Variants in ARHGEF28 observed in about 807,000 individuals in gnomAD.
The protein encoded by ARHGEF28 is Rho guanine nucleotide exchange factor 28, also known as 190 kDa guanine nucleotide exchange factor.
ARHGEF28 carries 152 observed loss-of-function variants against 206.6 expected under a neutral mutation model. The observed-to-expected ratio is 0.74, with a 90% confidence interval of 0.64 to 0.84. The LOEUF (loss-of-function observed/expected upper bound fraction) is 0.84, where lower values mean the gene tolerates loss of function less well. Ranked by LOEUF, ARHGEF28 falls within the 40% of genes least tolerant of loss-of-function variation. The probability of loss-of-function intolerance (pLI) is 0.00; values close to 1 mark genes in which losing one functional copy is unlikely to be tolerated. For synonymous variants in ARHGEF28, 763 were observed against 776.4 expected, an observed-to-expected ratio of 0.98 and a Z score of 0.29; for missense variants, 2,028 against 2,073.2, an observed-to-expected ratio of 0.98 and a Z score of 0.42.
At chr5:73,719,465 C>T (rs185739078) in intron 2 of ARHGEF28, among the ~76,000 whole-genome samples, 88 of 150,542 alleles carry the variant, frequency 5.8e-4, no homozygotes, top group Non-Finnish European at 1.0e-3. Context: ...CTCTGTTCTT[C>T]ATAAGGCCTG....
chr5:73,868,305 A>T, intron 20 of ARHGEF28, 78 bp downstream of exon 20: 1 of 1,435,490 alleles, frequency 7.0e-7, no homozygotes, highest in Non-Finnish European at 9.2e-7. Flanking sequence ...AGGAAATAAG[A>T]TTGAAGCATT....
At chr5:73,720,305 A>G (rs1466421012) in intron 2 of ARHGEF28, among the ~76,000 whole-genome samples, 1 of 152,224 alleles carries the variant, frequency 6.6e-6, no homozygotes, top group African/African-American at 2.4e-5. Flanking sequence ...TTTCTCTTTA[A>G]ATGAATGAAT....
At chr5:73,826,856 C>T (rs978002468) in intron 9 of ARHGEF28, among the ~76,000 whole-genome samples, 22 of 152,308 alleles carry the variant, frequency 1.4e-4, no homozygotes, top group African/African-American at 4.6e-4. Flanking sequence ...ATTTTGACCT[C>T]ACGGAGCCCT....
chr5:73,827,153 C>G (rs1161453265), intron 9 of ARHGEF28, among the ~76,000 whole-genome samples: 1 of 152,148 alleles, frequency 6.6e-6, no homozygotes, highest in Non-Finnish European at 1.5e-5. Context: ...GATGGCTTTT[C>G]TTTCTCTTCA....
At position 73,923,209 on chromosome 5, in the gene ARHGEF28, A is replaced by G. The variant is rs1420518906; in HGVS notation, c.4948+11634A>G. The G allele has an allele frequency of 2.7e-6, 4 of 1,490,836 alleles. No individual in the cohort carries two copies. In the South Asian group the frequency reaches 4.9e-5, roughly 18 times the overall value. The allele number at this position is 1,490,836 out of a possible 1,614,324, so 92.4% of individuals were successfully genotyped here. On this transcript the variant is annotated intron_variant, in intron 35 of 35. Transcript: ENST00000513042. The stretch of plus-strand genomic sequence containing the variant: ...GCTTAGCCTTCTTTTAGGGTACTCC[A>G]CTCAACTACCTACATAATTTGGTTT...
At chr5:73,690,273 G>A (rs1322245867) in intron 2 of ARHGEF28, among the ~76,000 whole-genome samples, 1 of 151,924 alleles carries the variant, frequency 6.6e-6, no homozygotes, top group Non-Finnish European at 1.5e-5. Flanking sequence ...TTGTGTTTTT[G>A]CTAATGAATG....
intron 11 of ARHGEF28, among the ~76,000 whole-genome samples, chr5:73,841,141 C>T (rs891396548): frequency 2.6e-5 from 4 of 152,040 alleles, no homozygotes; most frequent in Non-Finnish European, 4.4e-5. Flanking sequence ...ATTTTCCTCT[C>T]GTGTACTAGG....
intron 1 of ARHGEF28, among the ~76,000 whole-genome samples, chr5:73,684,198 C>T (rs765681740): frequency 6.6e-6 from 1 of 152,198 alleles, no homozygotes; most frequent in Admixed American, 6.5e-5. Flanking sequence ...TCTTCCCAAA[C>T]TGAAACTCTA....
At chr5:73,633,857 A>G (rs867692842) in intron 1 of ARHGEF28, among the ~76,000 whole-genome samples, 1 of 152,070 alleles carries the variant, frequency 6.6e-6, no homozygotes, top group African/African-American at 2.4e-5. Flanking sequence ...GGTTACAGGC[A>G]TGAGCCACCA....
intron 2 of ARHGEF28, among the ~76,000 whole-genome samples, chr5:73,685,736 C>T (rs1747423756): frequency 6.6e-6 from 1 of 152,156 alleles, no homozygotes; most frequent in African/African-American, 2.4e-5. Flanking sequence ...GATTCCCCTG[C>T]CTCAGCCTCC....
chr5:73,750,169 G>A (rs1028546656), intron 3 of ARHGEF28, among the ~76,000 whole-genome samples, 185 bp downstream of exon 3: 6 of 152,178 alleles, frequency 3.9e-5, no homozygotes, highest in African/African-American at 1.4e-4. Context: ...TCTTCCAGTT[G>A]TATCTGCTGC....
chr5:73,865,527 T>C (rs1484553959), intron 17 of ARHGEF28, among the ~76,000 whole-genome samples: 1 of 152,160 alleles, frequency 6.6e-6, no homozygotes. Context: ...TAGGAACACA[T>C]ATTGCGTCAG....
At chr5:73,917,646 G>GCAGC (rs1299085060) in intron 35 of ARHGEF28, among the ~76,000 whole-genome samples, 3 of 152,212 alleles carry the variant, frequency 2.0e-5, no homozygotes, top group African/African-American at 7.2e-5. Flanking sequence ...GGATTCAGAG[G>GCAGC]CAGCCAGCCA....
At chr5:73,678,909 C>G (rs6863374) in intron 1 of ARHGEF28, among the ~76,000 whole-genome samples, 5,036 of 152,232 alleles carry the variant, frequency 0.033, 312 homozygotes, top group African/African-American at 0.12. Context: ...GGGACAGGGT[C>G]TGGCTCTGTT....
chr5:73,857,430 T>C (rs935399585), intron 14 of ARHGEF28, among the ~76,000 whole-genome samples: 1 of 152,190 alleles, frequency 6.6e-6, no homozygotes, highest in Admixed American at 6.6e-5. Flanking sequence ...GTTCTATAAT[T>C]GTTGACATTG....
intron 11 of ARHGEF28, among the ~76,000 whole-genome samples, chr5:73,842,084 G>T (rs1486604309): frequency 6.6e-6 from 1 of 152,070 alleles, no homozygotes; most frequent in Non-Finnish European, 1.5e-5. Context: ...CTGTATATCT[G>T]TATCTGTCTA....
chr5:73,678,118 T>C (rs1746817941), intron 1 of ARHGEF28, among the ~76,000 whole-genome samples: 1 of 152,228 alleles, frequency 6.6e-6, no homozygotes, highest in African/African-American at 2.4e-5. Context: ...AGGAATTAAC[T>C]TGGGGAAAAT....
intron 4 of ARHGEF28, among the ~76,000 whole-genome samples, chr5:73,760,067 C>G (rs1752524182): frequency 6.6e-6 from 1 of 152,180 alleles, no homozygotes; most frequent in African/African-American, 2.4e-5. Context: ...GAGCCTGGCA[C>G]TGTGGGTTGG....
chr5:73,733,868 G>A (rs1750750246), intron 2 of ARHGEF28, among the ~76,000 whole-genome samples: 1 of 152,136 alleles, frequency 6.6e-6, no homozygotes, highest in African/African-American at 2.4e-5. Flanking sequence ...GCATTTGCTT[G>A]GTTTCTGGGG....
Sources: gnomAD v4.1 joint callset for allele counts (sites outside exome capture counted in the v4.1 genomes callset) on GRCh38, gnomAD v4.1.1 for gene constraint, MANE v1.5 for transcripts, NCBI Gene and HGNC (gene_info 2026-07-23, HGNC 2026-07-21) for gene names.